The following EFNA5 variants were observed in gnomAD, a reference collection of about 807,000 sequenced individuals.
The protein encoded by EFNA5 is ephrin-A5.
Under a neutral mutation model 22.9 loss-of-function variants are expected in EFNA5, and 5 were observed. That is an observed-to-expected ratio of 0.22 (90% CI 0.11 to 0.46). The LOEUF (loss-of-function observed/expected upper bound fraction) is 0.46. Among genes scored for constraint, EFNA5 ranks in the 20% least tolerant of loss-of-function variants. The probability of loss-of-function intolerance (pLI) is 0.99; values close to 1 mark genes in which losing one functional copy is unlikely to be tolerated. For missense variants in EFNA5, 237 were observed against 293.3 expected (o/e 0.81, Z 1.40); for synonymous variants, 113 against 112.2 (o/e 1.01, Z -0.04).
chr5:107,565,688 A>G (rs948886287), intron 1 of EFNA5, among the ~76,000 whole-genome samples: 2 of 152,232 alleles, frequency 1.3e-5, no homozygotes, highest in Admixed American at 1.3e-4. Flanking sequence ...TAAACACAAA[A>G]GCCTGCAAGA....
intron 1 of EFNA5, among the ~76,000 whole-genome samples, chr5:107,612,189 T>C (rs992152680): frequency 6.6e-6 from 1 of 152,180 alleles, no homozygotes; most frequent in Non-Finnish European, 1.5e-5. Context: ...CTACATTTAT[T>C]TCTCTTATTA....
chr5:107,511,002 T>TGTGTGTG (rs1747355604), intron 1 of EFNA5, among the ~76,000 whole-genome samples: 16 of 140,402 alleles, frequency 1.1e-4, no homozygotes, highest in African/African-American at 4.4e-4. Context: ...TTCTTTTTCT[T>TGTGTGTG]TGTGTGTGTG....
chr5:107,562,751 C>T (rs1396943010), intron 1 of EFNA5, among the ~76,000 whole-genome samples: 3 of 151,864 alleles, frequency 2.0e-5, no homozygotes, highest in Admixed American at 1.3e-4. Context: ...AAATCTAGTG[C>T]AAAAAATAAA....
At chr5:107,670,226 G>T (rs1751161877) in intron 1 of EFNA5, among the ~76,000 whole-genome samples, 1 of 151,964 alleles carries the variant, frequency 6.6e-6, no homozygotes, top group South Asian at 2.1e-4. Context: ...GCCCTTTTCC[G>T]AGTCTCCCGG....
At chr5:107,634,924 T>C (rs1446024291) in intron 1 of EFNA5, among the ~76,000 whole-genome samples, 1 of 152,174 alleles carries the variant, frequency 6.6e-6, no homozygotes, top group Non-Finnish European at 1.5e-5. Context: ...GACCTTAAAA[T>C]ATACGAAATT....
chr5:107,424,719 G>A (rs1489280026), intron 2 of EFNA5, among the ~76,000 whole-genome samples: 2 of 152,060 alleles, frequency 1.3e-5, no homozygotes, highest in Non-Finnish European at 2.9e-5. Flanking sequence ...ACACACATTA[G>A]GGAAGAGGAA....
intron 1 of EFNA5, among the ~76,000 whole-genome samples, chr5:107,524,601 C>G (rs1373860130): frequency 2.0e-5 from 3 of 152,162 alleles, no homozygotes; most frequent in African/African-American, 7.2e-5. Context: ...GCTAGCCATA[C>G]TGAATATAGG....
chr5:107,670,018 G>GA (rs1332016934), intron 1 of EFNA5, among the ~76,000 whole-genome samples: 1 of 133,328 alleles, frequency 7.5e-6, no homozygotes, highest in African/African-American at 2.9e-5. Context: ...AAAGAGAAGG[G>GA]AAAATTAAAA....
intron 2 of EFNA5, among the ~76,000 whole-genome samples, chr5:107,412,435 A>G (rs1217137361): frequency 1.3e-5 from 2 of 152,238 alleles, no homozygotes; most frequent in Admixed American, 6.5e-5. Flanking sequence ...TCTGGTTGAT[A>G]ATAAAACTTG....
At chr5:107,555,933 T>TC (rs1477541819) in intron 1 of EFNA5, among the ~76,000 whole-genome samples, 1 of 152,226 alleles carries the variant, frequency 6.6e-6, no homozygotes, top group Non-Finnish European at 1.5e-5. Context: ...ACTCACCAGC[T>TC]CATACTCCTC....
At chr5:107,641,021 T>TAGATAGATAGATAGATAGACAGAC (rs796272956) in intron 1 of EFNA5, among the ~76,000 whole-genome samples, 20 of 112,018 alleles carry the variant, frequency 1.8e-4, no homozygotes, top group African/African-American at 6.1e-4. Context: ...GATAGATAGA[T>TAGATAGATAGATAGATAGACAGAC]AGACAGACAG....
intron 1 of EFNA5, among the ~76,000 whole-genome samples, chr5:107,439,336 G>A (rs1561386790): frequency 6.6e-6 from 1 of 152,082 alleles, no homozygotes; most frequent in Non-Finnish European, 1.5e-5. Flanking sequence ...CCAAAACTGT[G>A]AGAAAATAAA....
Position 107,381,048 on chromosome 5 carries a change from G to C in EFNA5, c.*207C>G. ...AAGCCAAGGGCCAGGGCTGGGGGTG[G>C]GGCGGGGTGGGGTGAGGGAGGCAGG... On this transcript the variant is annotated 3_prime_UTR_variant, in exon 5 of 5. Coordinates refer to ENST00000333274, the MANE Select transcript of EFNA5 (RefSeq NM_001962.3). The C allele has an allele frequency of 1.6e-6, 1 of 620,148 alleles. No homozygotes were observed. Among genetic ancestry groups the C allele is most frequent in the Non-Finnish European group, 2.6e-6 (1 of 381,512 alleles). 38.4% of individuals were successfully genotyped at this position (620,148 alleles called of 1,614,324 possible).
Position 107,544,523 on chromosome 5 carries a change from G to A in EFNA5, c.126-117014C>T, listed in dbSNP as rs1748110109. Among the ~76,000 whole-genome samples, 2 of 152,246 alleles carry A rather than the reference G, an allele frequency of 1.3e-5. 1 individual carries two copies. The highest frequency in any genetic ancestry group is 4.2e-4 in the South Asian group (2 of 4,816). On this transcript the variant is annotated intron_variant, in intron 1 of 4. Transcript: ENST00000333274. ...TGTTCTGTGAATGATACAAAACTCT[G>A]AACTTCAAATTACACAAAAGTAGCA...
chr5:107,669,342 C>T (rs1334317612), intron 1 of EFNA5, among the ~76,000 whole-genome samples: 2 of 152,062 alleles, frequency 1.3e-5, no homozygotes, highest in Admixed American at 6.5e-5. Context: ...ACTTTAGATG[C>T]AATCGGTACT....
chr5:107,559,753 C>A (rs879652525), intron 1 of EFNA5, among the ~76,000 whole-genome samples: 9 of 152,132 alleles, frequency 5.9e-5, no homozygotes, highest in African/African-American at 1.7e-4. Flanking sequence ...AGTAAAATTG[C>A]TGAAAGAAAA....
At chr5:107,636,331 C>T (rs1750373200) in intron 1 of EFNA5, among the ~76,000 whole-genome samples, 1 of 152,198 alleles carries the variant, frequency 6.6e-6, no homozygotes, top group African/African-American at 2.4e-5. Flanking sequence ...AGTTTTCCTG[C>T]CCAGCTTGCC....
chr5:107,451,102 T>C (rs986540073), intron 1 of EFNA5, among the ~76,000 whole-genome samples: 1 of 152,220 alleles, frequency 6.6e-6, no homozygotes, highest in Non-Finnish European at 1.5e-5. Flanking sequence ...CTATTAAAAG[T>C]TTATGACATC....
rs148770838 is a variant in EFNA5, at chr5:107,556,669, C to A, written c.125+113820G>T. 3.1e-3 allele frequency among the ~76,000 whole-genome samples: 478 copies of A among 151,846 alleles called. 2 individuals carry two copies. Among genetic ancestry groups the A allele is most frequent in the African/African-American group, 0.011 (470 of 41,396 alleles). On this transcript the variant is annotated intron_variant, in intron 1 of 4. Transcript: ENST00000333274. ...GCTGGCACGGGAGAATCGCTTCAAC[C>A]GGGGAGGCGGGGGTTGCAGTGAGTC...
Sources: allele counts gnomAD v4.1 joint callset (sites outside exome capture counted in the v4.1 genomes callset), GRCh38; gene constraint gnomAD v4.1.1; transcripts MANE v1.5; gene names NCBI Gene and HGNC (gene_info 2026-07-23, HGNC 2026-07-21).